CAMTA1: variants seen among roughly 807,000 people sequenced by gnomAD.
The protein encoded by CAMTA1 is calmodulin binding transcription activator 1, also known as calmodulin-binding transcription activator 1.
Under a neutral mutation model 170.9 loss-of-function variants are expected in CAMTA1, and 27 were observed. The ratio of observed to expected loss-of-function variants is 0.16; its 90% CI spans 0.12 to 0.22. CAMTA1 has a LOEUF of 0.22. Among genes scored for constraint, CAMTA1 ranks in the 10% least tolerant of loss-of-function variants. The probability of loss-of-function intolerance (pLI) is 1.00; values close to 1 mark genes in which losing one functional copy is unlikely to be tolerated. For synonymous variants in CAMTA1, 833 were observed against 891.5 expected (o/e 0.93, Z 1.17); for missense variants, 1,619 against 2,217.2 (o/e 0.73, Z 5.42).
intron 7 of CAMTA1, among the ~76,000 whole-genome samples, chr1:7,655,271 TAC>T (rs2095885729): frequency 1.1e-5 from 1 of 92,692 alleles, no homozygotes; most frequent in Non-Finnish European, 2.0e-5. Context: ...GACCCACCTA[TAC>T]ACACCGTTAT....
chr1:7,213,855 G>A (rs1474104591), intron 4 of CAMTA1, among the ~76,000 whole-genome samples: 4 of 151,914 alleles, frequency 2.6e-5, no homozygotes, highest in East Asian at 1.9e-4. Context: ...GAGAACATGC[G>A]GTGGTTGTTT....
intron 5 of CAMTA1, among the ~76,000 whole-genome samples, chr1:7,274,688 T>C (rs915850300): frequency 6.6e-6 from 1 of 152,184 alleles, no homozygotes; most frequent in Non-Finnish European, 1.5e-5. Context: ...TACTGTGTCA[T>C]AAAACAAATC....
chr1:6,913,559 A>G (rs1291723806), intron 3 of CAMTA1, among the ~76,000 whole-genome samples: 1 of 151,882 alleles, frequency 6.6e-6, no homozygotes, highest in Non-Finnish European at 1.5e-5. Flanking sequence ...ACTCAGATTG[A>G]CTTCTTCCCA....
intron 3 of CAMTA1, among the ~76,000 whole-genome samples, chr1:7,009,355 A>G (rs979348275): frequency 6.6e-6 from 1 of 152,178 alleles, no homozygotes; most frequent in African/African-American, 2.4e-5. Context: ...GTGGGAAGGC[A>G]GGAAACCCGG....
chr1:7,390,072 G>A (rs1157721554), intron 5 of CAMTA1, among the ~76,000 whole-genome samples: 3 of 152,126 alleles, frequency 2.0e-5, no homozygotes, highest in Non-Finnish European at 2.9e-5. Flanking sequence ...CCTGCCGGAC[G>A]GCTCTGGGTG....
intron 3 of CAMTA1, among the ~76,000 whole-genome samples, chr1:6,952,372 A>G (rs1311053255): frequency 7.3e-6 from 1 of 137,698 alleles, no homozygotes; most frequent in Non-Finnish European, 1.5e-5. Context: ...TGGAGCTTGC[A>G]GTGAGCCAAG....
chr1:7,527,055 G>C (rs1444046791), intron 6 of CAMTA1, among the ~76,000 whole-genome samples: 1 of 152,150 alleles, frequency 6.6e-6, no homozygotes, highest in African/African-American at 2.4e-5. Context: ...CCTGCCCCAG[G>C]CCAGCGGCTG....
chr1:7,112,398 T>C (rs1355156001), intron 4 of CAMTA1, among the ~76,000 whole-genome samples: 1 of 152,242 alleles, frequency 6.6e-6, no homozygotes, highest in African/African-American at 2.4e-5. Context: ...CCACCATGTT[T>C]TTCTTCACTA....
chr1:7,257,872 T>G (rs138103844), intron 5 of CAMTA1, among the ~76,000 whole-genome samples: 2 of 152,212 alleles, frequency 1.3e-5, no homozygotes, highest in Non-Finnish European at 2.9e-5. Context: ...TTTTGGATAT[T>G]GGTCCCATTG....
At chr1:7,336,609 C>A (rs888777793) in intron 5 of CAMTA1, among the ~76,000 whole-genome samples, 1 of 152,188 alleles carries the variant, frequency 6.6e-6, no homozygotes, top group Non-Finnish European at 1.5e-5. Flanking sequence ...GGGCTTGTTA[C>A]ATAAATGACT....
chr1:6,948,686 C>G (rs1687955617), intron 3 of CAMTA1, among the ~76,000 whole-genome samples: 1 of 152,066 alleles, frequency 6.6e-6, no homozygotes, highest in Non-Finnish European at 1.5e-5. Flanking sequence ...TGGCTTAATC[C>G]TCACTCAGCA....
intron 5 of CAMTA1, among the ~76,000 whole-genome samples, chr1:7,359,344 CAG>C (rs1201863158): frequency 6.6e-6 from 1 of 152,144 alleles, no homozygotes; most frequent in African/African-American, 2.4e-5. Flanking sequence ...ATTCCCAGTA[CAG>C]AGAAGGCAAT....
At chr1:7,392,272 T>TTA (rs1392298535) in intron 5 of CAMTA1, among the ~76,000 whole-genome samples, 3 of 150,854 alleles carry the variant, frequency 2.0e-5, no homozygotes, top group South Asian at 2.1e-4. Flanking sequence ...TTTTTTTTTT[T>TTA]TTGAGTCAGT....
At chr1:7,571,399 A>G (rs994723167) in intron 6 of CAMTA1, among the ~76,000 whole-genome samples, 3 of 152,178 alleles carry the variant, frequency 2.0e-5, no homozygotes, top group Admixed American at 6.6e-5. Context: ...AACTTGTGTC[A>G]CAGGGGTTTG....
rs1682502092 is a variant in CAMTA1, at chr1:6,923,714, T to C, written c.234+98504T>C. 3.3e-5 allele frequency among the ~76,000 whole-genome samples: 5 copies of C among 152,122 alleles called. No homozygotes were observed. The South Asian group carries it at 8.3e-4, about 25-fold the overall frequency. ...GCGGGGAGTCCATGTGAGTGACCAA[T>C]GTCCTAGATCCTCTCCTTCTTTCAT... On this transcript the variant is annotated intron_variant, in intron 3 of 22. Coordinates refer to ENST00000303635, the MANE Select transcript of CAMTA1 (RefSeq NM_015215.4).
At chr1:7,523,370 A>C (rs1001347723) in intron 6 of CAMTA1, among the ~76,000 whole-genome samples, 8 of 152,258 alleles carry the variant, frequency 5.3e-5, no homozygotes, top group Non-Finnish European at 1.2e-4. Flanking sequence ...TACATTGTCC[A>C]TGACTATCCG....
At chr1:7,154,155 G>A (rs374094256) in intron 4 of CAMTA1, among the ~76,000 whole-genome samples, 1 of 152,206 alleles carries the variant, frequency 6.6e-6, no homozygotes, top group Admixed American at 6.5e-5. Flanking sequence ...GTAGGAGACA[G>A]CAGATCAAAA....
intron 4 of CAMTA1, among the ~76,000 whole-genome samples, chr1:7,151,005 A>G (rs1255398471): frequency 2.0e-5 from 3 of 152,236 alleles, no homozygotes; most frequent in African/African-American, 7.2e-5. Flanking sequence ...AATTAATGCC[A>G]CAGATGTTTA....
At chr1:7,533,952 G>C (rs890251282) in intron 6 of CAMTA1, among the ~76,000 whole-genome samples, 2 of 152,072 alleles carry the variant, frequency 1.3e-5, no homozygotes, top group Non-Finnish European at 1.5e-5. Flanking sequence ...AAACGTCCAG[G>C]CTTCTTCCCT....
Sources: gnomAD v4.1 joint callset for allele counts (sites outside exome capture counted in the v4.1 genomes callset) on GRCh38, gnomAD v4.1.1 for gene constraint, MANE v1.5 for transcripts, NCBI Gene and HGNC (gene_info 2026-07-23, HGNC 2026-07-21) for gene names.